KLRD1: variants seen among roughly 807,000 people sequenced by gnomAD.
The protein encoded by KLRD1 is natural killer cells antigen CD94.
Under a neutral mutation model 22.6 loss-of-function variants are expected in KLRD1, and 21 were observed. The ratio of observed to expected loss-of-function variants is 0.93; its 90% CI spans 0.66 to 1.34. The LOEUF is 1.34. Among genes scored for constraint, KLRD1 ranks in the 40% most tolerant of loss-of-function variants. KLRD1 has a pLI of 0.00. For missense variants in KLRD1, 183 were observed against 208.6 expected, an observed-to-expected ratio of 0.88 and a Z score of 0.76; for synonymous variants, 59 against 71.1, an observed-to-expected ratio of 0.83 and a Z score of 0.85.
At chr12:10,239,579 CTTTCTT>C (rs1565443518) in intron 1 of KLRD1, among the ~76,000 whole-genome samples, 22 of 116,606 alleles carry the variant, frequency 1.9e-4, no homozygotes, top group African/African-American at 5.8e-4. Flanking sequence ...TTCTTTCTTT[CTTTCTT>C]TTTCTTTCTT....
intron 1 of KLRD1, among the ~76,000 whole-genome samples, chr12:10,276,772 A>G (rs972207869): frequency 6.6e-6 from 1 of 152,138 alleles, no homozygotes; most frequent in Non-Finnish European, 1.5e-5. Context: ...GATATGAATT[A>G]GCACCAGGAA....
intron 1 of KLRD1, among the ~76,000 whole-genome samples, chr12:10,294,835 G>A (rs1336642241): frequency 6.6e-6 from 1 of 152,152 alleles, no homozygotes; most frequent in Non-Finnish European, 1.5e-5. Context: ...ATGAAAGTGA[G>A]TTCTTGGATG....
Position 10,315,530 on chromosome 12 carries a change from CTAAGAGAGCTTA to C in KLRD1, c.*739_*750del, listed in dbSNP as rs1417460321. 5 of 163,542 alleles carry C rather than the reference CTAAGAGAGCTTA, an allele frequency of 3.1e-5. No individual in the cohort carries two copies. The highest frequency in any genetic ancestry group is 1.2e-4 in the African/African-American group (5 of 41,510). 10.1% of individuals were successfully genotyped at this position (163,542 alleles called of 1,614,324 possible). A position where few individuals can be genotyped will look rare whatever the true frequency, so the allele number is the denominator to read the frequency against. On this transcript the variant is annotated 3_prime_UTR_variant, in exon 6 of 6. Transcript: ENST00000336164. ...ATATCTTTCAAATGTTTAATTTGAA[CTAAGAGAGCTTA>C]TGCATTGCACTTTCTGGAGATTTGT...
In KLRD1 at chr12:10,320,378, CAT is replaced by C. The variant is rs1455047609; in HGVS notation, c.*5588_*5589del. 1 of 151,776 alleles carries C rather than the reference CAT, an allele frequency of 6.6e-6. No individual in the cohort carries two copies. Among genetic ancestry groups the C allele is most frequent in the Non-Finnish European group, 1.5e-5 (1 of 67,958 alleles). The allele number at this position is 151,776 out of a possible 1,614,324, so 9.4% of individuals were successfully genotyped here. A position where few individuals can be genotyped will look rare whatever the true frequency, so the allele number is the denominator to read the frequency against. On this transcript the variant is annotated 3_prime_UTR_variant, in exon 6 of 6. Coordinates refer to ENST00000336164, the MANE Select transcript of KLRD1 (RefSeq NM_002262.5). The stretch of plus-strand genomic sequence containing the variant: ...TGGGCTTATAGTAGGGAAGTGAAAA[CAT>C]ATTAGAAACTGGAGAAAGTAAAAAT...
chr12:10,291,546 C>T (rs1257810599), intron 1 of KLRD1, among the ~76,000 whole-genome samples: 1 of 151,686 alleles, frequency 6.6e-6, no homozygotes, highest in Non-Finnish European at 1.5e-5. Context: ...ATGTCTCTTT[C>T]CTCATCTATA....
rs1049500807 is a variant in KLRD1, at chr12:10,324,816, GTGTA to G, written c.*10025_*10028del. The G allele has an allele frequency of 6.0e-5, 1 of 16,600 alleles. No individual in the cohort carries two copies. The highest frequency in any genetic ancestry group is 8.4e-5 in the African/African-American group (1 of 11,934). The allele number at this position is 16,600 out of a possible 1,614,324, so 1.0% of individuals were successfully genotyped here. ...TAAGTATATATGTATATGTGTGTGT[GTGTA>G]TATATATATATATATATATATATTC... On this transcript the variant is annotated 3_prime_UTR_variant, in exon 6 of 6. Coordinates refer to ENST00000336164, the MANE Select transcript of KLRD1 (RefSeq NM_002262.5).
intron 1 of KLRD1, among the ~76,000 whole-genome samples, chr12:10,293,175 T>TATATATATATATATACACAC (rs1555107048): frequency 3.8e-4 from 1 of 2,656 alleles, no homozygotes; most frequent in African/African-American, 4.6e-4. Flanking sequence ...TATACACATA[T>TATATATATATATATACACAC]ACACATAATT....
At chr12:10,249,959 A>C (rs80102692) in intron 1 of KLRD1, among the ~76,000 whole-genome samples, 3,912 of 152,080 alleles carry the variant, frequency 0.026, 175 homozygotes, top group African/African-American at 0.09. Context: ...ATGGTTTTCA[A>C]CTCTAACAAA....
rs763690667 is a variant in KLRD1 at position 10,263,924 on chromosome 12, TA to T, written c.-101+37692del. ...TTTGTTCCCAAATTGGGTTATTCCG[TA>T]TTTTAAATATATTCTCATAGGATGG... On this transcript the variant is annotated intron_variant, in intron 1 of 5. Coordinates refer to the KLRD1 transcript ENST00000544747. Among the ~76,000 whole-genome samples, 22 of 152,126 alleles carry T rather than the reference TA, an allele frequency of 1.4e-4. 1 individual carries two copies. Among genetic ancestry groups the T allele is most frequent in the Non-Finnish European group, 1.5e-5 (1 of 67,946 alleles).
At chr12:10,265,374 A>G (rs934731634) in intron 1 of KLRD1, among the ~76,000 whole-genome samples, 2 of 152,216 alleles carry the variant, frequency 1.3e-5, no homozygotes, top group African/African-American at 2.4e-5. Flanking sequence ...TAGAAAGGCT[A>G]TATCCCTACC....
intron 1 of KLRD1, among the ~76,000 whole-genome samples, chr12:10,265,670 T>A (rs1157951077): frequency 6.6e-6 from 1 of 152,094 alleles, no homozygotes; most frequent in Non-Finnish European, 1.5e-5. Context: ...GGCAGGAGAA[T>A]CACTTGAACT....
intron 1 of KLRD1, among the ~76,000 whole-genome samples, chr12:10,272,202 A>G (rs1169470424): frequency 6.6e-6 from 1 of 152,184 alleles, no homozygotes; most frequent in African/African-American, 2.4e-5. Context: ...TCTAATTCTC[A>G]CTAAATAAAT....
intron 1 of KLRD1, among the ~76,000 whole-genome samples, chr12:10,253,271 G>A (rs111430612): frequency 0.026 from 3,900 of 152,110 alleles, 167 homozygotes; most frequent in African/African-American, 0.09. Flanking sequence ...GCTTTTAGGC[G>A]TACGTTGGGC....
chr12:10,246,579 A>C (rs1191296039), intron 1 of KLRD1, among the ~76,000 whole-genome samples: 1 of 152,218 alleles, frequency 6.6e-6, no homozygotes, highest in Non-Finnish European at 1.5e-5. Context: ...TATGGTGTAT[A>C]GTAATATATG....
chr12:10,301,244 T>C (rs1949863562), upstream of KLRD1, among the ~76,000 whole-genome samples: 1 of 152,212 alleles, frequency 6.6e-6, no homozygotes, highest in Non-Finnish European at 1.5e-5. Context: ...GTCAGAAGAC[T>C]TTTTTCTTTT....
rs1950238837 is a variant in KLRD1 at position 10,316,715 on chromosome 12, T to G, written c.*1922T>G. 6.6e-6 allele frequency: 1 copy of G among 152,180 alleles called. No individual in the cohort carries two copies. Among genetic ancestry groups the G allele is most frequent in the African/African-American group, 2.4e-5 (1 of 41,442 alleles). 9.4% of individuals were successfully genotyped at this position (152,180 alleles called of 1,614,324 possible). On this transcript the variant is annotated 3_prime_UTR_variant, in exon 6 of 6. Transcript: ENST00000336164. The stretch of plus-strand genomic sequence containing the variant: ...ACTGTGCCCGGCCAGTTTATATAAT[T>G]TAAACACTGCCTTTTGGTTCCTTGA...
upstream of KLRD1, among the ~76,000 whole-genome samples, chr12:10,304,229 C>G (rs1011449227): frequency 6.6e-6 from 1 of 152,190 alleles, no homozygotes; most frequent in African/African-American, 2.4e-5. Flanking sequence ...AGGACACACT[C>G]TGGCCCAGAC....
At chr12:10,268,938 T>A (rs980098444) in intron 1 of KLRD1, among the ~76,000 whole-genome samples, 1 of 152,214 alleles carries the variant, frequency 6.6e-6, no homozygotes, top group African/African-American at 2.4e-5. Flanking sequence ...ATGTATTATG[T>A]TGGCTCTTTT....
rs1480906231 is a variant in KLRD1 at position 10,324,287 on chromosome 12, A to G, written c.*9494A>G. The stretch of plus-strand genomic sequence containing the variant: ...CAGGGTATATATGTAGGCTTCTTAT[A>G]TGAGTACATTGCATGTTGCAGTGGT... On this transcript the variant is annotated 3_prime_UTR_variant, in exon 6 of 6. Transcript: ENST00000336164. 1 of 152,158 alleles carries G rather than the reference A, an allele frequency of 6.6e-6. No individual in the cohort carries two copies. Among genetic ancestry groups the G allele is most frequent in the African/African-American group, 2.4e-5 (1 of 41,444 alleles). 9.4% of individuals were successfully genotyped at this position (152,158 alleles called of 1,614,324 possible).
Sources: gnomAD v4.1 joint callset for allele counts (sites outside exome capture counted in the v4.1 genomes callset) on GRCh38, gnomAD v4.1.1 for gene constraint, MANE v1.5 for transcripts, NCBI Gene and HGNC (gene_info 2026-07-23, HGNC 2026-07-21) for gene names.